The following ADGRE2 variants were observed in gnomAD, a reference collection of about 807,000 sequenced individuals.
ADGRE2 encodes the protein CD97 antigen.
In ADGRE2, 83 loss-of-function variants were observed where a neutral mutation model predicts 100.8. The observed-to-expected ratio is 0.82, with a 90% CI of 0.69 to 0.99. The LOEUF is 0.99. ADGRE2 is among the 50% of genes least tolerant of loss of function. ADGRE2 has a pLI of 0.00. For synonymous variants in ADGRE2, 355 were observed against 413.0 expected (o/e 0.86, Z 1.70); for missense variants, 814 against 1,035.7 (o/e 0.79, Z 2.94).
chr19:14,772,073 G>C, intron 5 of ADGRE2: 1 of 513,656 alleles, frequency 1.9e-6, no homozygotes, highest in East Asian at 3.4e-5. Flanking sequence ...AAGGCTCTAA[G>C]AGCAGTAGTG....
chr19:14,752,097 C>G (rs1175087674), intron 15 of ADGRE2, among the ~76,000 whole-genome samples: 1 of 151,800 alleles, frequency 6.6e-6, no homozygotes, highest in Non-Finnish European at 1.5e-5. Context: ...CCATGCCTGG[C>G]TAATTTTGTA....
intron 11 of ADGRE2, among the ~76,000 whole-genome samples, chr19:14,761,169 C>T (rs1599847048): frequency 6.6e-6 from 1 of 152,248 alleles, no homozygotes; most frequent in Non-Finnish European, 1.5e-5. Flanking sequence ...TTTGGGAGGC[C>T]GAGGCAGGCG....
At position 14,736,352 on chromosome 19, in the gene ADGRE2, CCCA is replaced by C. The variant is rs1394646451; in HGVS notation, c.2464-111_2464-109del. 6.0e-6 allele frequency: 4 copies of C among 671,410 alleles called. No homozygotes were observed. In the Admixed American group the frequency reaches 1.1e-4, roughly 18 times the overall value. The allele number at this position is 671,410 out of a possible 1,614,324, so 41.6% of individuals were successfully genotyped here. On this transcript the variant is annotated intron_variant, in intron 20 of 20. Coordinates refer to ENST00000315576, the MANE Select transcript of ADGRE2 (RefSeq NM_013447.4). ...CCTCGACTCACTGTAACCCCCGCCT[CCCA>C]GGTTCAAGCAATTCTCCTGTCTCAG...
chr19:14,773,858 A>G, intron 4 of ADGRE2, 80 bp downstream of exon 4: 9 of 1,328,426 alleles, frequency 6.8e-6, no homozygotes, highest in Non-Finnish European at 8.7e-6. Flanking sequence ...GGCCCCTCAC[A>G]ACAACCTCTG....
At chr19:14,751,704 GA>G (rs753887075) in intron 15 of ADGRE2, 33 bp from the exon 16 acceptor site, 1 of 1,545,328 alleles carries the variant, frequency 6.5e-7, no homozygotes, top group East Asian at 2.3e-5. Context: ...CCAGAGCGGC[GA>G]TCAGATTTGA....
intron 20 of ADGRE2, among the ~76,000 whole-genome samples, chr19:14,743,048 C>T (rs2042975838): frequency 6.6e-6 from 1 of 152,010 alleles, no homozygotes. Flanking sequence ...TGTCCCACCT[C>T]AGCCTCCCGA....
At chr19:14,748,540 C>T (rs2043162210) in intron 16 of ADGRE2, among the ~76,000 whole-genome samples, 1 of 152,160 alleles carries the variant, frequency 6.6e-6, no homozygotes, top group South Asian at 2.1e-4. Flanking sequence ...ATCTCTTGAC[C>T]TTGTGATCTG....
chr19:14,728,566 C>G (rs2042648282), downstream of ADGRE2, among the ~76,000 whole-genome samples: 1 of 152,190 alleles, frequency 6.6e-6, no homozygotes, highest in African/African-American at 2.4e-5. Flanking sequence ...GAAAGATGAG[C>G]AGGTGAAGCC....
chr19:14,759,397 A>G (rs2043619887), intron 11 of ADGRE2, among the ~76,000 whole-genome samples: 1 of 151,868 alleles, frequency 6.6e-6, no homozygotes, highest in South Asian at 2.1e-4. Flanking sequence ...TAACTGCCTA[A>G]ATAATTTCTT....
At chr19:14,771,532 G>A (rs1409712831) in intron 5 of ADGRE2, among the ~76,000 whole-genome samples, 1 of 152,176 alleles carries the variant, frequency 6.6e-6, no homozygotes, top group Non-Finnish European at 1.5e-5. Flanking sequence ...GGCAGGCTGT[G>A]TCGAAATAGA....
chr19:14,733,180 A>G lies in ADGRE2; in HGVS notation c.*3056T>C, dbSNP rs2042692701. ...TTATGTGGTCTCTTGAACCAGCCTT[A>G]GGCATGGAGGTTGAGGATCAGGAGT... On this transcript the variant is annotated 3_prime_UTR_variant, in exon 21 of 21. Transcript: ENST00000315576. The G allele has an allele frequency of 6.6e-6, 1 of 152,206 alleles. No individual in the cohort carries two copies. The highest frequency in any genetic ancestry group is 2.4e-5 in the African/African-American group (1 of 41,458). The allele number at this position is 152,206 out of a possible 1,614,324, so 9.4% of individuals were successfully genotyped here.
At chr19:14,752,939 T>C (rs1327703782) in intron 14 of ADGRE2, among the ~76,000 whole-genome samples, 4 of 152,070 alleles carry the variant, frequency 2.6e-5, no homozygotes, top group Non-Finnish European at 4.4e-5. Flanking sequence ...GCCAGGCTAA[T>C]TTTTATACTT....
chr19:14,772,560 C>G, intron 4 of ADGRE2, 63 bp from the exon 5 acceptor site: 1 of 1,576,896 alleles, frequency 6.3e-7, no homozygotes, highest in Non-Finnish European at 8.7e-7. Flanking sequence ...GGCAGAGACC[C>G]CCGTCCTGAC....
chr19:14,748,048 C>T (rs948726431), intron 16 of ADGRE2, among the ~76,000 whole-genome samples: 1 of 151,824 alleles, frequency 6.6e-6, no homozygotes, highest in Non-Finnish European at 1.5e-5. Context: ...CATGTTGCGG[C>T]GGTTTGGTGT....
At position 14,766,918 on chromosome 19, in the gene ADGRE2, C is replaced by G. The variant is rs909604583; in HGVS notation, c.487+60G>C. 51 of 1,577,814 alleles carry G rather than the reference C, an allele frequency of 3.2e-5. 1 individual carries two copies. The highest frequency in any genetic ancestry group is 1.6e-4 in the South Asian group (14 of 88,254). On this transcript the variant is annotated intron_variant, in intron 6 of 20. Coordinates refer to ENST00000315576, the MANE Select transcript of ADGRE2 (RefSeq NM_013447.4). ...CTCCTCCTCGGCTGCTTTGGAGGAC[C>G]TGACTCAGCTCCATCCCCAGCTCCC... is the stretch of plus-strand genomic sequence containing the variant.
At chr19:14,777,133 G>A (rs2044474181) in intron 1 of ADGRE2, 9 of 981,360 alleles carry the variant, frequency 9.2e-6, no homozygotes, top group African/African-American at 1.7e-5. Context: ...TGGCTGCTGT[G>A]CAGGGGAAGG....
Position 14,764,798 on chromosome 19 carries a change from C to T in ADGRE2, c.907-188G>A, listed in dbSNP as rs1209918429. On this transcript the variant is annotated intron_variant, in intron 10 of 20. Transcript: ENST00000315576. ...CTTTGGGAGGCCGATGAGGGTGGGT[C>T]ACAAGGTCAGGAGATCGAGACCATC... is the stretch of plus-strand genomic sequence containing the variant. Among the ~76,000 whole-genome samples the T allele has an allele frequency of 5.9e-5, 9 of 152,188 alleles. No homozygotes were observed. The South Asian group carries it at 6.2e-4, about 11-fold the overall frequency.
At chr19:14,728,821 G>A (rs778718089), downstream of ADGRE2, among the ~76,000 whole-genome samples, 30 of 152,326 alleles carry the variant, frequency 2.0e-4, no homozygotes, top group East Asian at 5.8e-4. Context: ...TGCCACCCAC[G>A]TCAATCAAGA....
chr19:14,752,572 G>A (rs1338802994), intron 14 of ADGRE2, 46 bp from the exon 15 acceptor site: 1 of 1,595,154 alleles, frequency 6.3e-7, no homozygotes. Flanking sequence ...TTCCTGCTCT[G>A]GGGTAATGAC....
Sources: gnomAD v4.1 joint callset for allele counts (sites outside exome capture counted in the v4.1 genomes callset) on GRCh38, gnomAD v4.1.1 for gene constraint, MANE v1.5 for transcripts, NCBI Gene and HGNC (gene_info 2026-07-23, HGNC 2026-07-21) for gene names.